Variants in LRRK2 observed in about 807,000 individuals in gnomAD.
The protein encoded by LRRK2 is leucine-rich repeat serine/threonine-protein kinase 2.
Under a neutral mutation model 302.6 loss-of-function variants are expected in LRRK2, and 203 were observed. That is an observed-to-expected ratio of 0.67 (90% confidence interval 0.60 to 0.75). The LOEUF is 0.75. LRRK2 is among the 30% of genes least tolerant of loss of function. The probability of loss-of-function intolerance (pLI) is 0.00; values close to 1 mark genes in which losing one functional copy is unlikely to be tolerated. For synonymous variants in LRRK2, 1,066 were observed against 1,031.9 expected (o/e 1.03, Z -0.63); for missense variants, 2,830 against 2,951.0 (o/e 0.96, Z 0.95).
intron 13 of LRRK2, among the ~76,000 whole-genome samples, chr12:40,260,868 G>T (rs1942740207): frequency 6.6e-6 from 1 of 152,110 alleles, no homozygotes; most frequent in Non-Finnish European, 1.5e-5. Context: ...ATGATACTTT[G>T]TTCTGTGAAG....
chr12:40,319,781 T>C (rs1290475879), intron 33 of LRRK2, among the ~76,000 whole-genome samples: 1 of 105,968 alleles, frequency 9.4e-6, no homozygotes, highest in Admixed American at 1.1e-4. Flanking sequence ...TCCCTTAATT[T>C]AACAATTTTT....
At chr12:40,323,877 A>G (rs1336788518) in intron 38 of LRRK2, among the ~76,000 whole-genome samples, 1 of 151,510 alleles carries the variant, frequency 6.6e-6, no homozygotes, top group Admixed American at 6.6e-5. Context: ...TCAGTAGAGT[A>G]TGATGGAAAT....
In LRRK2 at chr12:40,267,428, G is replaced by T. The variant is rs139576245; in HGVS notation, c.1656+3527G>T. ...GAGGGAACAGTTAAGTTTATTCATG[G>T]TGAGTGTTGGTGAAAAGTGGAAGAG... is the stretch of plus-strand genomic sequence containing the variant. On this transcript the variant is annotated intron_variant, in intron 14 of 50. Transcript: ENST00000298910. Among the ~76,000 whole-genome samples, 24 of 152,286 alleles carry T rather than the reference G, an allele frequency of 1.6e-4. No individual in the cohort carries two copies. In the East Asian group the frequency reaches 4.2e-3, roughly 27 times the overall value.
chr12:40,336,880 A>T (rs1449527047), intron 40 of LRRK2, among the ~76,000 whole-genome samples: 2 of 152,174 alleles, frequency 1.3e-5, no homozygotes, highest in Non-Finnish European at 2.9e-5. Context: ...TAATTCTTCC[A>T]CAAATCCCCA....
chr12:40,288,516 C>G (rs550043745), intron 20 of LRRK2, among the ~76,000 whole-genome samples: 6 of 151,758 alleles, frequency 4.0e-5, no homozygotes, highest in Non-Finnish European at 7.4e-5. Context: ...AGTGAGTACT[C>G]TTTTGTGTCT....
chr12:40,358,786 T>G (rs1191557770), intron 46 of LRRK2, among the ~76,000 whole-genome samples: 1 of 152,136 alleles, frequency 6.6e-6, no homozygotes, highest in East Asian at 1.9e-4. Context: ...CATGGGAATT[T>G]CATTGAATCT....
Position 40,308,462 on chromosome 12 carries a change from A to T in LRRK2, c.3960-5A>T. On this transcript the variant is annotated splice_region_variant and splice_polypyrimidine_tract_variant and intron_variant, in intron 28 of 50. Coordinates refer to ENST00000298910, the MANE Select transcript of LRRK2 (RefSeq NM_198578.4). ...ATTATTTTATTTTTATCTTTCAAAT[A>T]CTAGGTTTCTTCAACAGCGATTAAA... The T allele has an allele frequency of 6.2e-7, 1 of 1,607,826 alleles. No individual in the cohort carries two copies. Among genetic ancestry groups the T allele is most frequent in the Non-Finnish European group, 8.5e-7 (1 of 1,174,938 alleles).
At chr12:40,233,020 G>T (rs1941275287) in intron 3 of LRRK2, among the ~76,000 whole-genome samples, 2 of 152,282 alleles carry the variant, frequency 1.3e-5, no homozygotes, top group South Asian at 4.1e-4. Flanking sequence ...TTCTCAAGAA[G>T]AATGTGTTTC....
At chr12:40,319,443 G>C (rs182060075) in intron 33 of LRRK2, among the ~76,000 whole-genome samples, 5 of 152,026 alleles carry the variant, frequency 3.3e-5, no homozygotes, top group Non-Finnish European at 7.4e-5. Flanking sequence ...TAAAAAAGCC[G>C]ATTCTCAGGC....
At chr12:40,301,291 G>A (rs1052486743) in intron 25 of LRRK2, among the ~76,000 whole-genome samples, 10 of 152,088 alleles carry the variant, frequency 6.6e-5, no homozygotes, top group African/African-American at 2.2e-4. Flanking sequence ...GGGTGTGGTG[G>A]CGTGTGACTA....
chr12:40,282,876 T>G (rs189072634), intron 18 of LRRK2, among the ~76,000 whole-genome samples: 39 of 152,298 alleles, frequency 2.6e-4, no homozygotes, highest in African/African-American at 9.1e-4. Flanking sequence ...CTTTCCTTTT[T>G]TGATGTTTTA....
rs899561250 is a variant in LRRK2 at position 40,295,568 on chromosome 12, G to C, written c.3020G>C (p.Ser1007Thr). ...GCCCTAAGCCAGAAATGCTGTATAA[G>C]TGTTCATTTGGAGCATCTTGAAAAG... ...IDALSQKCCI[S>T]VHLEHLEKLE... Residue 1007 changes from serine to threonine, a missense_variant, in exon 23 of 51, where the codon AGT becomes ACT. Coordinates refer to ENST00000298910, the MANE Select transcript of LRRK2 (RefSeq NM_198578.4). 2.5e-6 allele frequency: 4 copies of C among 1,614,012 alleles called. No individual in the cohort carries two copies. In the East Asian group the frequency reaches 8.9e-5, roughly 36 times the overall value.
intron 49 of LRRK2, 30 bp from the exon 50 acceptor site, chr12:40,366,976 A>T: frequency 6.4e-7 from 1 of 1,558,898 alleles, no homozygotes; most frequent in Non-Finnish European, 8.8e-7. Flanking sequence ...TAGTTTTAAC[A>T]GAAAACTTAC....
chr12:40,237,319 G>A (rs1418638562), intron 4 of LRRK2, among the ~76,000 whole-genome samples: 1 of 152,158 alleles, frequency 6.6e-6, no homozygotes, highest in African/African-American at 2.4e-5. Context: ...TATAATGCAG[G>A]CAATAAACCA....
At chr12:40,332,817 C>T (rs1255832564) in intron 39 of LRRK2, among the ~76,000 whole-genome samples, 3 of 151,742 alleles carry the variant, frequency 2.0e-5, no homozygotes, top group Non-Finnish European at 2.9e-5. Flanking sequence ...TCAAATTTTA[C>T]ACCATGTGTT....
At chr12:40,309,059 C>A in intron 29 of LRRK2, 47 bp from the exon 30 acceptor site, 2 of 1,603,294 alleles carry the variant, frequency 1.2e-6, no homozygotes, top group Non-Finnish European at 1.7e-6. Context: ...AGGATTCTTG[C>A]CTGTCGTTTG....
rs767827507 is a variant in LRRK2 at position 40,356,170 on chromosome 12, G to T, written c.6826G>T (p.Glu2276Ter). The T allele has an allele frequency of 6.2e-7, 1 of 1,611,648 alleles. No individual in the cohort carries two copies. Among genetic ancestry groups the T allele is most frequent in the South Asian group, 1.1e-5 (1 of 90,638 alleles). Residue 2276 changes from glutamate to a stop codon, truncating the protein, a stop_gained, in exon 46 of 51, where the codon GAA becomes TAA. Coordinates refer to ENST00000298910, the MANE Select transcript of LRRK2 (RefSeq NM_198578.4). LOFTEE classifies it high-confidence loss of function. The stretch of plus-strand genomic sequence containing the variant: ...CGCTGATGGCAAGTTAGCAATTTTT[G>T]AAGATAAGACTGTTAAGGTAAATGT... ...GTADGKLAIF[E>*]DKTVKLKGAA...
chr12:40,306,022 T>C lies in LRRK2; in HGVS notation c.3959+56T>C, dbSNP rs879428236. ...TAAATTTATTTCAGATTTTCTACTCTCTGTGACTTTGATGGACATATATTG... is the reference window on the plus strand; with the variant it reads ...TAAATTTATTTCAGATTTTCTACTCCCTGTGACTTTGATGGACATATATTG... On this transcript the variant is annotated intron_variant, in intron 28 of 50. Coordinates refer to ENST00000298910, the MANE Select transcript of LRRK2 (RefSeq NM_198578.4). 15 of 1,351,950 alleles carry C rather than the reference T, an allele frequency of 1.1e-5. No individual in the cohort carries two copies. In the African/African-American group the frequency reaches 1.5e-4, roughly 13 times the overall value. 83.7% of individuals were successfully genotyped at this position (1,351,950 alleles called of 1,614,324 possible). A position where few individuals can be genotyped will look rare whatever the true frequency, so the allele number is the denominator to read the frequency against.
In LRRK2 at chr12:40,363,102, T is replaced by C. The variant is rs531968760; in HGVS notation, c.7029-300T>C. Among the ~76,000 whole-genome samples the C allele has an allele frequency of 2.0e-5, 3 of 152,152 alleles. No homozygotes were observed. The South Asian group carries it at 6.2e-4, about 31-fold the overall frequency. On this transcript the variant is annotated intron_variant, in intron 47 of 50. Coordinates refer to ENST00000298910, the MANE Select transcript of LRRK2 (RefSeq NM_198578.4). ...GAAATTTAGATATAGTACAAAATTC[T>C]ACAAAGAGCCACATAGAATTGAAAC... is the stretch of plus-strand genomic sequence containing the variant.
Sources: allele counts gnomAD v4.1 joint callset (sites outside exome capture counted in the v4.1 genomes callset), GRCh38; gene constraint gnomAD v4.1.1; transcripts MANE v1.5; gene names NCBI Gene and HGNC (gene_info 2026-07-23, HGNC 2026-07-21).